Variants in NETO1 observed in about 807,000 individuals in gnomAD.
NETO1 encodes the protein neuropilin and tolloid-like protein 1.
Under a neutral mutation model 61.3 loss-of-function variants are expected in NETO1, and 26 were observed. The observed-to-expected ratio is 0.42, with a 90% CI of 0.31 to 0.59. The LOEUF is 0.59. Ranked by LOEUF, NETO1 falls within the 20% of genes least tolerant of loss-of-function variation. NETO1 has a pLI of 0.12. For synonymous variants in NETO1, 225 were observed against 225.8 expected (o/e 1.00, Z 0.03); for missense variants, 531 against 662.8 (o/e 0.80, Z 2.18).
Position 72,830,465 on chromosome 18 carries a change from A to G in NETO1, c.469+28361T>C, listed in dbSNP as rs1362692722. Among the ~76,000 whole-genome samples the G allele has an allele frequency of 2.6e-5, 4 of 152,176 alleles. No individual in the cohort carries two copies. The East Asian group carries it at 7.7e-4, about 29-fold the overall frequency. ...CGGTGAAAGGGACCAGGGCATCTAA[A>G]CAAGGAGTCCAAAAAACAAACACAA... is the stretch of plus-strand genomic sequence containing the variant. On this transcript the variant is annotated intron_variant, in intron 4 of 10. Coordinates refer to ENST00000327305, the MANE Select transcript of NETO1 (RefSeq NM_138966.5). The surrounding 1 kb of genome is among the most constrained non-coding windows in gnomAD (Gnocchi z 4.9).
chr18:72,867,784 G>C lies in NETO1; in HGVS notation c.-493C>G. 6.3e-6 allele frequency: 1 copy of C among 158,106 alleles called. No homozygotes were observed. Among genetic ancestry groups the C allele is most frequent in the Non-Finnish European group, 1.3e-5 (1 of 74,196 alleles). 9.8% of individuals were successfully genotyped at this position (158,106 alleles called of 1,614,324 possible). On this transcript the variant is annotated 5_prime_UTR_variant, in exon 1 of 11. Coordinates refer to ENST00000327305, the MANE Select transcript of NETO1 (RefSeq NM_138966.5). ...GACGGCAGCGACGGAGCGGGCGGCG[G>C]CGGCGGCGCCGGCGGCGGCGGGGTG...
chr18:72,839,758 T>C (rs2073863710), intron 4 of NETO1, among the ~76,000 whole-genome samples: 1 of 151,230 alleles, frequency 6.6e-6, no homozygotes, highest in African/African-American at 2.4e-5. Context: ...GAGGCAAACT[T>C]TTCCTGTGAT....
intron 4 of NETO1, among the ~76,000 whole-genome samples, chr18:72,846,298 T>C (rs913388919): frequency 1.3e-5 from 2 of 149,454 alleles, no homozygotes; most frequent in African/African-American, 4.9e-5. Context: ...AGGTCAGGAG[T>C]TCAAGACCAG....
At chr18:72,748,202 G>A in intron 10 of NETO1, 38 bp from the exon 11 acceptor site, 1 of 982,088 alleles carries the variant, frequency 1.0e-6, no homozygotes, top group Non-Finnish European at 1.2e-6. Context: ...TTCTCCCAAT[G>A]AAAAATGCAT....
chr18:72,796,447 C>T (rs9319852), intron 4 of NETO1, among the ~76,000 whole-genome samples: 108,700 of 152,146 alleles, frequency 0.71, 40,360 homozygotes, highest in East Asian at 0.92. Flanking sequence ...AAACAAGTTA[C>T]AGATGCCTTT....
At chr18:72,843,423 C>T (rs17728250) in intron 4 of NETO1, among the ~76,000 whole-genome samples, 25,003 of 152,038 alleles carry the variant, frequency 0.16, 2,741 homozygotes, top group Middle Eastern at 0.28. Context: ...TCTTGCAGGA[C>T]ATCTGAAATC....
chr18:72,814,931 G>A (rs1424924732), intron 4 of NETO1, among the ~76,000 whole-genome samples: 4 of 150,092 alleles, frequency 2.7e-5, no homozygotes, highest in Admixed American at 6.6e-5. Context: ...GCTTATCAAA[G>A]AAAAAAAAAT....
intron 3 of NETO1, among the ~76,000 whole-genome samples, chr18:72,861,776 C>A (rs1334103921): frequency 6.6e-6 from 1 of 152,168 alleles, no homozygotes; most frequent in Non-Finnish European, 1.5e-5. Context: ...ATGTACCTTT[C>A]TCTACAGAAT....
intron 4 of NETO1, among the ~76,000 whole-genome samples, chr18:72,812,280 A>C (rs2145213126): frequency 6.6e-6 from 1 of 152,358 alleles, no homozygotes; most frequent in Middle Eastern, 3.4e-3. Context: ...ACAATTGTTC[A>C]CAGCTGTGAC....
intron 4 of NETO1, among the ~76,000 whole-genome samples, chr18:72,852,838 T>TC (rs931882470): frequency 2.7e-5 from 4 of 149,520 alleles, no homozygotes; most frequent in African/African-American, 9.8e-5. Context: ...TTTTTCTTTT[T>TC]TTTTTTTTTT....
intron 4 of NETO1, among the ~76,000 whole-genome samples, chr18:72,814,016 G>GA (rs942579315): frequency 5.3e-5 from 8 of 151,714 alleles, no homozygotes; most frequent in Non-Finnish European, 7.4e-5. Context: ...TCAGCAAGCT[G>GA]AAAAAAAATG....
intron 4 of NETO1, among the ~76,000 whole-genome samples, chr18:72,799,136 C>G (rs937003000): frequency 6.6e-6 from 1 of 152,178 alleles, no homozygotes; most frequent in African/African-American, 2.4e-5. Context: ...GTTGATCCTG[C>G]CTGCTGCTAA....
At chr18:72,834,713 C>T in intron 4 of NETO1, 7 of 985,030 alleles carry the variant, frequency 7.1e-6, no homozygotes, top group Non-Finnish European at 8.4e-6. Flanking sequence ...AATACGCTCT[C>T]TTCAGCTTTT....
At chr18:72,759,037 C>T (rs956481001) in intron 7 of NETO1, among the ~76,000 whole-genome samples, 1 of 152,154 alleles carries the variant, frequency 6.6e-6, no homozygotes, top group Non-Finnish European at 1.5e-5. Context: ...TCTCATTTCT[C>T]TCCTGGTTAA....
intron 1 of NETO1, 74 bp from the exon 2 acceptor site, chr18:72,865,315 C>A: frequency 1.5e-6 from 2 of 1,316,914 alleles, no homozygotes; most frequent in South Asian, 2.6e-5. Flanking sequence ...AACATAATTT[C>A]AAGATAAAAT....
chr18:72,831,737 T>A (rs1461879376), intron 4 of NETO1, among the ~76,000 whole-genome samples: 2 of 152,258 alleles, frequency 1.3e-5, no homozygotes, highest in African/African-American at 4.8e-5. Context: ...ACATCTTGTA[T>A]AACTTTTCCA....
intron 4 of NETO1, among the ~76,000 whole-genome samples, chr18:72,813,150 C>A (rs1017665348): frequency 2.6e-5 from 4 of 152,078 alleles, no homozygotes; most frequent in Non-Finnish European, 1.5e-5. Context: ...AGGGACGATG[C>A]CTTGCTGTTG....
rs1409138949 is a variant in NETO1 at position 72,750,603 on chromosome 18, G to C, written c.1000C>G (p.Leu334Val). 8.1e-6 allele frequency: 13 copies of C among 1,606,226 alleles called. No individual in the cohort carries two copies. The highest frequency in any genetic ancestry group is 1.1e-5 in the Non-Finnish European group (13 of 1,178,524). The change falls in exon 9 of 11, where the codon CTG becomes GTG. Residue 334 changes from leucine to valine, a missense_variant. Transcript: ENST00000327305. Reference sequence around the variant, plus strand: ...CTGGTGTTGGTCAGCTGGTCCAGCAGGCTGGTTTTCCTCTTCTCTATAGGT... The same window carrying C: ...CTGGTGTTGGTCAGCTGGTCCAGCACGCTGGTTTTCCTCTTCTCTATAGGT... Reference protein sequence around the residue: ...NHCKEKRKTSLLDQLTNTSGT... With the variant: ...NHCKEKRKTSVLDQLTNTSGT...
At chr18:72,815,848 T>C (rs1486384383) in intron 4 of NETO1, among the ~76,000 whole-genome samples, 2 of 152,128 alleles carry the variant, frequency 1.3e-5, no homozygotes, top group Non-Finnish European at 2.9e-5. Context: ...ACAGCTGTGT[T>C]ATTTAGTGGC....
Sources: gnomAD v4.1 joint callset for allele counts (sites outside exome capture counted in the v4.1 genomes callset) on GRCh38, gnomAD v4.1.1 for gene constraint, Gnocchi (gnomAD v3.1) non-coding constraint, MANE v1.5 for transcripts, NCBI Gene and HGNC (gene_info 2026-07-23, HGNC 2026-07-21) for gene names.